The following PCDH15 variants were observed in gnomAD, a reference collection of about 807,000 sequenced individuals.
The protein encoded by PCDH15 is protocadherin-15.
PCDH15 carries 129 observed loss-of-function variants against 178.5 expected under a neutral mutation model. The ratio of observed to expected loss-of-function variants is 0.72; its 90% confidence interval spans 0.63 to 0.84. The LOEUF (loss-of-function observed/expected upper bound fraction) is 0.84, where lower values mean the gene tolerates loss of function less well. PCDH15 is among the 40% of genes least tolerant of loss of function. PCDH15 has a pLI of 0.00. For missense variants in PCDH15, 2,230 were observed against 2,099.9 expected, an observed-to-expected ratio of 1.06 and a Z score of -1.21; for synonymous variants, 800 against 732.0, an observed-to-expected ratio of 1.09 and a Z score of -1.50.
chr10:54,082,933 G>A (rs1479711352), intron 16 of PCDH15, among the ~76,000 whole-genome samples: 1 of 151,872 alleles, frequency 6.6e-6, no homozygotes, highest in East Asian at 1.9e-4. Flanking sequence ...TTTAAAAATA[G>A]GCAAAAGACT....
intron 1 of PCDH15, among the ~76,000 whole-genome samples, chr10:54,665,888 T>C (rs1270938307): frequency 6.6e-6 from 1 of 151,808 alleles, no homozygotes; most frequent in African/African-American, 2.4e-5. Context: ...CACTAACCTG[T>C]AGAAAAAAGA....
At chr10:54,225,162 GA>G (rs995070561) in intron 9 of PCDH15, among the ~76,000 whole-genome samples, 3 of 152,030 alleles carry the variant, frequency 2.0e-5, no homozygotes, top group South Asian at 2.1e-4. Flanking sequence ...TAGAAAGACC[GA>G]GTTCTTGTCC....
At chr10:54,709,521 CAG>C (rs2095406135) in intron 1 of PCDH15, among the ~76,000 whole-genome samples, 1 of 147,606 alleles carries the variant, frequency 6.8e-6, no homozygotes, top group Non-Finnish European at 1.5e-5. Flanking sequence ...GATCAAATGA[CAG>C]GGGGTCTTTA....
chr10:54,732,978 T>C (rs933789924), intron 1 of PCDH15, among the ~76,000 whole-genome samples: 1 of 151,588 alleles, frequency 6.6e-6, no homozygotes, highest in African/African-American at 2.4e-5. Context: ...AAGATTTGTT[T>C]ATGATATACA....
chr10:54,648,316 T>C (rs963587059), intron 2 of PCDH15, among the ~76,000 whole-genome samples: 3 of 152,104 alleles, frequency 2.0e-5, no homozygotes, highest in Admixed American at 6.6e-5. Flanking sequence ...TCAGTGTAAA[T>C]GTAGTTTTTG....
At chr10:54,678,961 C>T (rs1363036962) in intron 1 of PCDH15, among the ~76,000 whole-genome samples, 2 of 151,908 alleles carry the variant, frequency 1.3e-5, no homozygotes, top group Admixed American at 6.6e-5. Flanking sequence ...GAGGCCGAGG[C>T]GGGCGGATCA....
At chr10:54,852,611 G>C (rs1370964531) in intron 3 of PCDH15, among the ~76,000 whole-genome samples, 1 of 152,078 alleles carries the variant, frequency 6.6e-6, no homozygotes, top group African/African-American at 2.4e-5. Context: ...CTAGCACTTT[G>C]GGAGGCCGAG....
chr10:53,826,286 T>C (rs992872755), intron 32 of PCDH15, among the ~76,000 whole-genome samples: 32 of 152,004 alleles, frequency 2.1e-4, no homozygotes, highest in Non-Finnish European at 4.3e-4. Context: ...GTTAAAATAA[T>C]AGCATTAAGA....
chr10:55,582,620 A>ATTT (rs1350113539), intron 2 of PCDH15, among the ~76,000 whole-genome samples: 1,960 of 86,360 alleles, frequency 0.023, 39 homozygotes, highest in Non-Finnish European at 0.028. Context: ...ATATATATAT[A>ATTT]TATATATATT....
chr10:54,564,717 A>G (rs1345284048), intron 2 of PCDH15, among the ~76,000 whole-genome samples: 1 of 152,130 alleles, frequency 6.6e-6, no homozygotes, highest in East Asian at 1.9e-4. Flanking sequence ...AGTGAGATTA[A>G]TAAATATGTC....
chr10:54,710,103 G>C (rs1016680958), intron 1 of PCDH15, among the ~76,000 whole-genome samples: 7 of 151,736 alleles, frequency 4.6e-5, no homozygotes, highest in African/African-American at 1.7e-4. Context: ...CTGCATAAAT[G>C]TAGCAATTCA....
chr10:54,181,234 G>T (rs1256999153), intron 13 of PCDH15, among the ~76,000 whole-genome samples: 1 of 151,944 alleles, frequency 6.6e-6, no homozygotes, highest in Admixed American at 6.6e-5. Flanking sequence ...TAGCTCTCAT[G>T]GTCCATCAAT....
At chr10:55,037,193 T>C (rs1389076148) in intron 2 of PCDH15, among the ~76,000 whole-genome samples, 1 of 152,186 alleles carries the variant, frequency 6.6e-6, no homozygotes, top group Non-Finnish European at 1.5e-5. Flanking sequence ...ATCTGATCTT[T>C]TCAGTTTTAA....
chr10:54,185,034 T>A (rs2133815975), intron 12 of PCDH15, 100 bp downstream of exon 12: 1 of 1,412,802 alleles, frequency 7.1e-7, no homozygotes, highest in African/African-American at 1.4e-5. Flanking sequence ...CCCAAGTCAT[T>A]GATTTTTTCA....
At chr10:54,583,202 T>A (rs1011164437) in intron 2 of PCDH15, among the ~76,000 whole-genome samples, 1 of 152,138 alleles carries the variant, frequency 6.6e-6, no homozygotes, top group African/African-American at 2.4e-5. Context: ...ATTATACCCT[T>A]GAATTTATAC....
chr10:54,749,385 T>C (rs1945890720), intron 1 of PCDH15, among the ~76,000 whole-genome samples: 2 of 152,132 alleles, frequency 1.3e-5, no homozygotes, highest in South Asian at 4.1e-4. Context: ...GTTTACCCCA[T>C]TAACACTAGG....
intron 17 of PCDH15, among the ~76,000 whole-genome samples, chr10:54,071,757 G>A (rs10825215): frequency 0.22 from 32,887 of 151,908 alleles, 3,750 homozygotes; most frequent in Non-Finnish European, 0.25. Context: ...ATTATCAGAG[G>A]TAAGGTAACA....
chr10:53,835,543 T>C (rs1403098800), intron 29 of PCDH15, among the ~76,000 whole-genome samples: 1 of 148,838 alleles, frequency 6.7e-6, no homozygotes, highest in Non-Finnish European at 1.5e-5. Flanking sequence ...AAAAACCAAA[T>C]TCCATTGAGT....
intron 10 of PCDH15, among the ~76,000 whole-genome samples, chr10:54,206,137 G>C (rs1196511247): frequency 6.6e-6 from 1 of 151,986 alleles, no homozygotes; most frequent in Non-Finnish European, 1.5e-5. Flanking sequence ...TTTATAACTT[G>C]TTACAACGAA....
Sources: gnomAD v4.1 joint callset for allele counts (sites outside exome capture counted in the v4.1 genomes callset) on GRCh38, gnomAD v4.1.1 for gene constraint, MANE v1.5 for transcripts, NCBI Gene and HGNC (gene_info 2026-07-23, HGNC 2026-07-21) for gene names.